The following DYNC1I1 variants were observed in gnomAD, a reference collection of about 807,000 sequenced individuals.
DYNC1I1 encodes dynein cytoplasmic 1 intermediate chain 1, also known as cytoplasmic dynein 1 intermediate chain 1.
DYNC1I1 carries 43 observed loss-of-function variants against 86.6 expected under a neutral mutation model. The ratio of observed to expected loss-of-function variants is 0.50; its 90% CI spans 0.39 to 0.64. The LOEUF (loss-of-function observed/expected upper bound fraction) is 0.64, where lower values mean the gene tolerates loss of function less well. DYNC1I1 is among the 30% of genes least tolerant of loss of function. DYNC1I1 has a pLI of 0.00. For synonymous variants in DYNC1I1, 262 were observed against 283.7 expected, an observed-to-expected ratio of 0.92 and a Z score of 0.77; for missense variants, 604 against 788.8, an observed-to-expected ratio of 0.77 and a Z score of 2.81.
rs117093820 is a variant in DYNC1I1 at position 95,972,784 on chromosome 7, G to A, written c.491-4728G>A. ...GAGCTCAGGCAAAGGGTCGAGCCTC[G>A]TGCTGAGTGTGTTATCTGTGATTGC... On this transcript the variant is annotated intron_variant, in intron 6 of 16. Transcript: ENST00000447467. 9.0e-4 allele frequency among the ~76,000 whole-genome samples: 137 copies of A among 152,272 alleles called. No individual in the cohort carries two copies. The East Asian group carries it at 0.017, about 19-fold the overall frequency.
chr7:95,925,956 T>A (rs1791733641), intron 6 of DYNC1I1, among the ~76,000 whole-genome samples: 1 of 152,192 alleles, frequency 6.6e-6, no homozygotes, highest in Non-Finnish European at 1.5e-5. Context: ...CCCTGATGCA[T>A]AAATTAAAGA....
Position 95,950,896 on chromosome 7 carries a change from G to C in DYNC1I1, c.491-26616G>C, listed in dbSNP as rs1421679170. Reference sequence around the variant, plus strand: ...AAAGTTATGAATCACCTCTACATTAGGGTATGTGAGCAATTCTGTAGCTAT... The same window carrying C: ...AAAGTTATGAATCACCTCTACATTACGGTATGTGAGCAATTCTGTAGCTAT... On this transcript the variant is annotated intron_variant, in intron 6 of 16. Transcript: ENST00000447467. Among the ~76,000 whole-genome samples the C allele has an allele frequency of 2.0e-5, 3 of 152,266 alleles. No homozygotes were observed. In the East Asian group the frequency reaches 5.8e-4, roughly 29 times the overall value.
chr7:95,793,884 G>C (rs1261291312), intron 1 of DYNC1I1, among the ~76,000 whole-genome samples: 2 of 152,240 alleles, frequency 1.3e-5, no homozygotes, highest in Non-Finnish European at 2.9e-5. Context: ...GAAGCTGTGT[G>C]ATGCTCTATG....
chr7:95,942,710 G>T (rs1792266741), intron 6 of DYNC1I1, among the ~76,000 whole-genome samples: 1 of 148,804 alleles, frequency 6.7e-6, no homozygotes, highest in African/African-American at 2.5e-5. Flanking sequence ...ATGCAAGGCT[G>T]GTTCAATATA....
intron 10 of DYNC1I1, among the ~76,000 whole-genome samples, chr7:96,026,637 C>T (rs767485897): frequency 3.9e-5 from 6 of 152,112 alleles, no homozygotes; most frequent in Non-Finnish European, 7.4e-5. Flanking sequence ...CCCTTCCCAA[C>T]CAAAAAAGAC....
At chr7:95,838,316 A>G (rs1274203928) in intron 5 of DYNC1I1, among the ~76,000 whole-genome samples, 2 of 152,066 alleles carry the variant, frequency 1.3e-5, no homozygotes, top group African/African-American at 4.8e-5. Flanking sequence ...TCCATTTTGT[A>G]TTCTTGTCTG....
At chr7:95,957,983 G>T (rs909948297) in intron 6 of DYNC1I1, among the ~76,000 whole-genome samples, 1 of 152,190 alleles carries the variant, frequency 6.6e-6, no homozygotes, top group Admixed American at 6.5e-5. Context: ...TATGTCATAG[G>T]TCAGAGTTTC....
intron 11 of DYNC1I1, 74 bp downstream of exon 11, chr7:96,028,395 A>G (rs1794733176): frequency 3.3e-6 from 5 of 1,534,856 alleles, no homozygotes; most frequent in South Asian, 1.3e-5. Context: ...TCAAAAAAGT[A>G]TGGATGTTTT....
chr7:96,087,412 A>C (rs528142483), intron 16 of DYNC1I1, among the ~76,000 whole-genome samples: 61 of 152,348 alleles, frequency 4.0e-4, no homozygotes, highest in Non-Finnish European at 5.9e-4. Context: ...CCAGAAGAGC[A>C]CAGTTGGTCT....
At chr7:95,922,353 G>C (rs968592563) in intron 6 of DYNC1I1, among the ~76,000 whole-genome samples, 1 of 152,120 alleles carries the variant, frequency 6.6e-6, no homozygotes, top group African/African-American at 2.4e-5. Flanking sequence ...ACTCTTTGGA[G>C]AAGGACTGAT....
At chr7:95,963,032 T>C (rs528343009) in intron 6 of DYNC1I1, among the ~76,000 whole-genome samples, 2 of 152,320 alleles carry the variant, frequency 1.3e-5, no homozygotes, top group East Asian at 3.9e-4. Flanking sequence ...TCCTCTCTGA[T>C]CTACCTGCCA....
chr7:96,007,366 A>G (rs552782709), intron 10 of DYNC1I1, among the ~76,000 whole-genome samples: 1 of 152,350 alleles, frequency 6.6e-6, no homozygotes, highest in Non-Finnish European at 1.5e-5. Flanking sequence ...TTGCCTAGCA[A>G]TGGAATGAAT....
intron 10 of DYNC1I1, among the ~76,000 whole-genome samples, chr7:96,023,263 C>G (rs575174399): frequency 6.6e-6 from 1 of 152,284 alleles, no homozygotes; most frequent in African/African-American, 2.4e-5. Flanking sequence ...ACCATCCTCT[C>G]CCCAGAAGAG....
chr7:96,023,592 G>A (rs1477298452), intron 10 of DYNC1I1, among the ~76,000 whole-genome samples: 1 of 152,184 alleles, frequency 6.6e-6, no homozygotes, highest in East Asian at 1.9e-4. Context: ...TGCGGTGAGT[G>A]CAGGGAGACA....
intron 16 of DYNC1I1, among the ~76,000 whole-genome samples, chr7:96,084,019 T>C (rs1437282127): frequency 6.6e-6 from 1 of 152,208 alleles, no homozygotes; most frequent in Non-Finnish European, 1.5e-5. Context: ...ACATCTCATA[T>C]TCATTCTCCC....
chr7:95,784,225 G>A (rs1391358830), intron 1 of DYNC1I1, among the ~76,000 whole-genome samples: 1 of 152,040 alleles, frequency 6.6e-6, no homozygotes, highest in Non-Finnish European at 1.5e-5. Flanking sequence ...CAGGTCTATC[G>A]GGGGTACATT....
chr7:95,876,731 C>T (rs1790318080), intron 6 of DYNC1I1, among the ~76,000 whole-genome samples: 1 of 152,104 alleles, frequency 6.6e-6, no homozygotes, highest in South Asian at 2.1e-4. Flanking sequence ...ACCTTTAATT[C>T]CCTGGAGAGT....
intron 15 of DYNC1I1, among the ~76,000 whole-genome samples, chr7:96,077,645 A>C (rs1790384570): frequency 6.6e-6 from 1 of 152,142 alleles, no homozygotes. Context: ...ATTTAAAGCA[A>C]CCAAAAAAAC....
At chr7:95,866,415 T>G (rs1790019408) in intron 5 of DYNC1I1, among the ~76,000 whole-genome samples, 1 of 152,212 alleles carries the variant, frequency 6.6e-6, no homozygotes, top group Non-Finnish European at 1.5e-5. Flanking sequence ...AACAAGGTTT[T>G]TAAGTATAGT....
Sources: allele counts gnomAD v4.1 joint callset (sites outside exome capture counted in the v4.1 genomes callset), GRCh38; gene constraint gnomAD v4.1.1; transcripts MANE v1.5; gene names NCBI Gene and HGNC (gene_info 2026-07-23, HGNC 2026-07-21).